ARHGEF3: variants seen among roughly 807,000 people sequenced by gnomAD.
The protein encoded by ARHGEF3 is 59.8 kDA protein.
In ARHGEF3, 28 loss-of-function variants were observed where a neutral mutation model predicts 63.2. The ratio of observed to expected loss-of-function variants is 0.44; its 90% CI spans 0.33 to 0.61. The LOEUF is 0.61. Ranked by LOEUF, ARHGEF3 falls within the 20% of genes least tolerant of loss-of-function variation. The pLI is 0.03. For synonymous variants in ARHGEF3, 266 were observed against 254.2 expected (o/e 1.05, Z -0.44); for missense variants, 533 against 659.3 (o/e 0.81, Z 2.10).
At chr3:56,969,663 T>C (rs11715325) in intron 2 of ARHGEF3, among the ~76,000 whole-genome samples, 2 of 150,030 alleles carry the variant, frequency 1.3e-5, no homozygotes, top group Non-Finnish European at 3.0e-5. Flanking sequence ...TCCAGCTACT[T>C]GGGAGGCTGA....
chr3:56,871,575 T>C (rs1169134921), intron 4 of ARHGEF3, among the ~76,000 whole-genome samples: 2 of 152,208 alleles, frequency 1.3e-5, no homozygotes, highest in African/African-American at 4.8e-5. Flanking sequence ...TTACATGGTC[T>C]TCCTAAAAAC....
At chr3:56,896,513 G>A (rs990641537) in intron 3 of ARHGEF3, among the ~76,000 whole-genome samples, 1 of 152,172 alleles carries the variant, frequency 6.6e-6, no homozygotes, top group Non-Finnish European at 1.5e-5. Flanking sequence ...CCAATAAAAT[G>A]TTTCATAGCT....
At chr3:56,801,561 G>T (rs893443665) in intron 1 of ARHGEF3, 142 bp downstream of exon 1, 85 of 1,133,814 alleles carry the variant, frequency 7.5e-5, no homozygotes, top group Non-Finnish European at 9.9e-5. Flanking sequence ...TGGGAGAGAT[G>T]TAGAGAGAGA....
chr3:56,760,003 G>C (rs1559913305), intron 2 of ARHGEF3, among the ~76,000 whole-genome samples: 1 of 152,150 alleles, frequency 6.6e-6, no homozygotes, highest in Non-Finnish European at 1.5e-5. Flanking sequence ...CCATAGTCTG[G>C]ACAGACCTAT....
chr3:56,736,296 C>A (rs1272467164), intron 8 of ARHGEF3, among the ~76,000 whole-genome samples: 1 of 152,092 alleles, frequency 6.6e-6, no homozygotes. Flanking sequence ...TGGAGAATTG[C>A]AAATCACTAT....
intron 3 of ARHGEF3, among the ~76,000 whole-genome samples, chr3:56,892,969 G>A (rs1435990970): frequency 6.6e-6 from 1 of 152,198 alleles, no homozygotes; most frequent in Non-Finnish European, 1.5e-5. Context: ...GCCGCACAAA[G>A]CAGAGATGAA....
At chr3:57,007,239 C>T (rs1383016611) in intron 2 of ARHGEF3, 1 of 1,289,794 alleles carries the variant, frequency 7.8e-7, no homozygotes. Context: ...GTCAATAACA[C>T]CATACTTCAG....
intron 1 of ARHGEF3, 79 bp downstream of exon 1, chr3:56,801,624 G>T: frequency 6.7e-7 from 1 of 1,497,838 alleles, no homozygotes. Flanking sequence ...GACACTGGAC[G>T]GGCGCCGAGA....
intron 2 of ARHGEF3, among the ~76,000 whole-genome samples, chr3:57,028,914 C>T (rs1191997570): frequency 6.6e-6 from 1 of 151,278 alleles, no homozygotes; most frequent in Non-Finnish European, 1.5e-5. Flanking sequence ...AGTGACTTTG[C>T]AGCAAATCTT....
At chr3:57,041,688 T>G (rs1227735919) in intron 1 of ARHGEF3, among the ~76,000 whole-genome samples, 1 of 152,242 alleles carries the variant, frequency 6.6e-6, no homozygotes, top group Non-Finnish European at 1.5e-5. Flanking sequence ...CTCTGCCTCA[T>G]GCTTGGCACT....
intron 3 of ARHGEF3, among the ~76,000 whole-genome samples, chr3:56,953,933 T>C (rs1699928323): frequency 6.6e-6 from 1 of 152,210 alleles, no homozygotes. Context: ...CCCTTTATAC[T>C]TGAGCTAGTT....
chr3:56,927,814 A>G (rs2042315037), intron 3 of ARHGEF3, among the ~76,000 whole-genome samples: 1 of 152,228 alleles, frequency 6.6e-6, no homozygotes, highest in African/African-American at 2.4e-5. Flanking sequence ...CATCTCTGCA[A>G]AGGGGATAAC....
chr3:56,876,184 T>C (rs1183810852), intron 4 of ARHGEF3, among the ~76,000 whole-genome samples: 1 of 152,074 alleles, frequency 6.6e-6, no homozygotes, highest in Non-Finnish European at 1.5e-5. Flanking sequence ...TTGGCCTGCA[T>C]GTGTAAAAGG....
At chr3:56,983,802 G>A (rs9854127) in intron 2 of ARHGEF3, among the ~76,000 whole-genome samples, 41,998 of 151,978 alleles carry the variant, frequency 0.28, 5,944 homozygotes, top group East Asian at 0.41. Flanking sequence ...CAGGCGTGGT[G>A]GTGCACGCCT....
chr3:56,821,986 AAGAGAAGAGAAG>A (rs2038516343), intron 4 of ARHGEF3, among the ~76,000 whole-genome samples: 1 of 124,204 alleles, frequency 8.1e-6, no homozygotes, highest in South Asian at 2.6e-4. Flanking sequence ...AAGAGAAGAG[AAGAGAAGAGAAG>A]AGAAGAGAAG....
chr3:57,077,946 T>TGTGTAAGCA (rs1706290679), intron 1 of ARHGEF3, among the ~76,000 whole-genome samples: 1 of 152,024 alleles, frequency 6.6e-6, no homozygotes. Flanking sequence ...CACCACCAGC[T>TGTGTAAGCA]CCTTACCAGA....
At chr3:56,916,962 T>C (rs898706125) in intron 3 of ARHGEF3, among the ~76,000 whole-genome samples, 1 of 152,200 alleles carries the variant, frequency 6.6e-6, no homozygotes, top group African/African-American at 2.4e-5. Context: ...CCTTTCAAAA[T>C]AGCTGCTTCT....
chr3:56,907,228 G>A (rs1220334664), intron 3 of ARHGEF3, among the ~76,000 whole-genome samples: 1 of 152,038 alleles, frequency 6.6e-6, no homozygotes, highest in African/African-American at 2.4e-5. Context: ...TGATCCACCC[G>A]CCTCAGTCTC....
At chr3:57,054,445 C>T (rs1204001213) in intron 1 of ARHGEF3, among the ~76,000 whole-genome samples, 2 of 146,304 alleles carry the variant, frequency 1.4e-5, no homozygotes, top group Non-Finnish European at 3.0e-5. Context: ...GCCTGGGCAG[C>T]ATGGTGAAAC....
Sources: allele counts gnomAD v4.1 joint callset (sites outside exome capture counted in the v4.1 genomes callset), GRCh38; gene constraint gnomAD v4.1.1; transcripts MANE v1.5; gene names NCBI Gene and HGNC (gene_info 2026-07-23, HGNC 2026-07-21).